Variants in EPB41L4B observed in about 807,000 individuals in gnomAD.
The protein encoded by EPB41L4B is band 4.1-like protein 4B.
A neutral mutation model predicts 112.5 loss-of-function variants in EPB41L4B; 30 were observed. That is an observed-to-expected ratio of 0.27 (90% CI 0.20 to 0.36). The LOEUF is 0.36. EPB41L4B is among the 10% of genes least tolerant of loss of function. The pLI, the probability that EPB41L4B is intolerant of heterozygous loss-of-function variation, is 1.00. For missense variants in EPB41L4B, 1,024 were observed against 1,133.3 expected (o/e 0.90, Z 1.38); for synonymous variants, 408 against 439.7 (o/e 0.93, Z 0.90).
intron 1 of EPB41L4B, among the ~76,000 whole-genome samples, chr9:109,294,101 T>C (rs1475491147): frequency 6.7e-6 from 1 of 149,298 alleles, no homozygotes; most frequent in East Asian, 2.0e-4. Context: ...GGTCAGGAGA[T>C]CGAGACCATC....
Position 109,262,666 on chromosome 9 carries a change from G to A in EPB41L4B, c.631+384C>T, listed in dbSNP as rs76102893. Among the ~76,000 whole-genome samples the A allele has an allele frequency of 3.4e-3, 515 of 152,278 alleles. 4 individuals are homozygous for A. The highest frequency in any genetic ancestry group is 0.012 in the African/African-American group (490 of 41,546). On this transcript the variant is annotated intron_variant, in intron 6 of 25. Transcript: ENST00000374566. The stretch of plus-strand genomic sequence containing the variant: ...GCTTTCAAAGGTGTCACTGCTGACT[G>A]CATGAAATTCTTTCTCTTTAAATGG...
At chr9:109,230,834 G>A (rs1473837774) in intron 15 of EPB41L4B, among the ~76,000 whole-genome samples, 1 of 152,086 alleles carries the variant, frequency 6.6e-6, no homozygotes, top group Non-Finnish European at 1.5e-5. Flanking sequence ...TAGTGAGAAG[G>A]TTGACTCTAC....
intron 2 of EPB41L4B, among the ~76,000 whole-genome samples, chr9:109,273,582 G>A (rs1445097707): frequency 6.6e-6 from 1 of 152,130 alleles, no homozygotes; most frequent in Non-Finnish European, 1.5e-5. Flanking sequence ...ACATTTCTTT[G>A]GACCACCATG....
intron 1 of EPB41L4B, among the ~76,000 whole-genome samples, chr9:109,310,558 G>A (rs1475730274): frequency 6.6e-6 from 1 of 152,142 alleles, no homozygotes; most frequent in African/African-American, 2.4e-5. Context: ...CCAACACTGC[G>A]CAACTCAGAC....
chr9:109,284,537 C>T (rs1189526922), intron 1 of EPB41L4B, among the ~76,000 whole-genome samples: 1 of 152,140 alleles, frequency 6.6e-6, no homozygotes, highest in Non-Finnish European at 1.5e-5. Context: ...CTCAGCCTCC[C>T]CAGTAGCTAG....
At chr9:109,223,984 A>G (rs1351917919) in intron 15 of EPB41L4B, among the ~76,000 whole-genome samples, 1 of 152,106 alleles carries the variant, frequency 6.6e-6, no homozygotes, top group African/African-American at 2.4e-5. Flanking sequence ...GTGCCACTGC[A>G]CTCCAGCCTG....
intron 17 of EPB41L4B, among the ~76,000 whole-genome samples, chr9:109,211,279 T>TAAC (rs745805286): frequency 1.6e-3 from 248 of 151,898 alleles, no homozygotes; most frequent in African/African-American, 4.6e-3. Context: ...TCATGGATGA[T>TAAC]AACAACAACA....
At chr9:109,189,285 G>T (rs1236575553) in intron 22 of EPB41L4B, among the ~76,000 whole-genome samples, 1 of 152,196 alleles carries the variant, frequency 6.6e-6, no homozygotes, top group African/African-American at 2.4e-5. Context: ...AAGAGTTGGG[G>T]ATTAGAGAGG....
chr9:109,239,515 A>G (rs568093716), intron 15 of EPB41L4B, among the ~76,000 whole-genome samples: 19 of 152,336 alleles, frequency 1.2e-4, no homozygotes, highest in African/African-American at 4.6e-4. Context: ...TGTGGTGAAA[A>G]GAGCAGTGAG....
At chr9:109,246,673 A>C (rs781365846) in intron 14 of EPB41L4B, among the ~76,000 whole-genome samples, 1 of 152,148 alleles carries the variant, frequency 6.6e-6, no homozygotes, top group Non-Finnish European at 1.5e-5. Context: ...CCAGAGAGAG[A>C]GCCACCCACA....
intron 16 of EPB41L4B, among the ~76,000 whole-genome samples, chr9:109,216,016 T>C (rs1402172106): frequency 6.6e-6 from 1 of 152,250 alleles, no homozygotes; most frequent in Non-Finnish European, 1.5e-5. Flanking sequence ...CTTCTCTTTC[T>C]GGGACCCATA....
At chr9:109,264,116 G>A (rs1320823678) in intron 5 of EPB41L4B, among the ~76,000 whole-genome samples, 3 of 152,098 alleles carry the variant, frequency 2.0e-5, no homozygotes, top group Non-Finnish European at 4.4e-5. Context: ...CCAAAGGTCT[G>A]TATTGCACGG....
intron 1 of EPB41L4B, among the ~76,000 whole-genome samples, chr9:109,305,233 G>C (rs1837135666): frequency 6.6e-6 from 1 of 151,468 alleles, no homozygotes; most frequent in Non-Finnish European, 1.5e-5. Context: ...GAGGATGGGG[G>C]GAATGATGGG....
intron 6 of EPB41L4B, among the ~76,000 whole-genome samples, chr9:109,261,127 T>G (rs1835186930): frequency 6.6e-6 from 1 of 151,874 alleles, no homozygotes; most frequent in Admixed American, 6.6e-5. Flanking sequence ...GTGGCCGGAG[T>G]GCGGAGGCCA....
At chr9:109,205,190 T>C (rs1832954832) in intron 18 of EPB41L4B, among the ~76,000 whole-genome samples, 1 of 152,220 alleles carries the variant, frequency 6.6e-6, no homozygotes, top group Admixed American at 6.5e-5. Context: ...GAGAATCCTG[T>C]GGGGCTTGTG....
At chr9:109,292,689 A>C (rs917034136) in intron 1 of EPB41L4B, among the ~76,000 whole-genome samples, 2 of 152,214 alleles carry the variant, frequency 1.3e-5, no homozygotes, top group Non-Finnish European at 2.9e-5. Context: ...TAAACTGTGG[A>C]GCTTACAAAC....
chr9:109,300,344 CAATT>C (rs1404165235), intron 1 of EPB41L4B: 1 of 152,136 alleles, frequency 6.6e-6, no homozygotes, highest in African/African-American at 2.4e-5. Context: ...GAGGGAGACT[CAATT>C]AAACGCAGCT....
intron 18 of EPB41L4B, 26 bp downstream of exon 18, chr9:109,207,898 C>A (rs1211904569): frequency 1.9e-6 from 3 of 1,613,390 alleles, no homozygotes; most frequent in South Asian, 2.2e-5. Flanking sequence ...AACATGAAAT[C>A]AAAGGAATGT....
rs200918619 is a variant in EPB41L4B at position 109,213,653 on chromosome 9, T to A, written c.1752+47A>T. The stretch of plus-strand genomic sequence containing the variant: ...GCTAGGGTAGTAATCAGAGGTTTGA[T>A]GTCAGCACCAAGTCCATGGTCATGG... On this transcript the variant is annotated intron_variant, in intron 17 of 25. Transcript: ENST00000374566. The A allele has an allele frequency of 4.7e-4, 710 of 1,513,834 alleles. 7 individuals carry two copies. Among genetic ancestry groups the A allele is most frequent in the Non-Finnish European group, 7.9e-5 (86 of 1,089,902 alleles). The allele number at this position is 1,513,834 out of a possible 1,614,324, so 93.8% of individuals were successfully genotyped here. A position where few individuals can be genotyped will look rare whatever the true frequency, so the allele number is the denominator to read the frequency against.
Sources: allele counts gnomAD v4.1 joint callset (sites outside exome capture counted in the v4.1 genomes callset), GRCh38; gene constraint gnomAD v4.1.1; transcripts MANE v1.5; gene names NCBI Gene and HGNC (gene_info 2026-07-23, HGNC 2026-07-21).